Variants in CHST12 observed in about 807,000 individuals in gnomAD.
CHST12 encodes the protein carbohydrate (chondroitin 4) sulfotransferase 12.
In CHST12, 23 loss-of-function variants were observed where a neutral mutation model predicts 27.9. The ratio of observed to expected loss-of-function variants is 0.82; its 90% confidence interval spans 0.59 to 1.17. CHST12 has a LOEUF of 1.17. CHST12 is among the 50% of genes most tolerant of loss of function. The pLI, the probability that CHST12 is intolerant of heterozygous loss-of-function variation, is 0.00. For synonymous variants in CHST12, 322 were observed against 273.0 expected (o/e 1.18, Z -1.77); for missense variants, 682 against 603.0 (o/e 1.13, Z -1.37).
chr7:2,436,155 C>A lies in CHST12; in HGVS notation c.*2271C>A, dbSNP rs751758529. 1 of 152,212 alleles carries A rather than the reference C, an allele frequency of 6.6e-6. No individual in the cohort carries two copies. Among genetic ancestry groups the A allele is most frequent in the Non-Finnish European group, 1.5e-5 (1 of 68,054 alleles). 9.4% of individuals were successfully genotyped at this position (152,212 alleles called of 1,614,324 possible). A position where few individuals can be genotyped will look rare whatever the true frequency, so the allele number is the denominator to read the frequency against. ...TATGATAAAAATGTTTAATTTTAAA[C>A]GTACCATCTTAACCATTGTTAAGTG... On this transcript the variant is annotated 3_prime_UTR_variant, in exon 2 of 2. Coordinates refer to ENST00000618655, the MANE Select transcript of CHST12 (RefSeq NM_018641.5).
At chr7:2,414,966 C>T (rs780312964) in intron 1 of CHST12, among the ~76,000 whole-genome samples, 1 of 152,224 alleles carries the variant, frequency 6.6e-6, no homozygotes, top group Non-Finnish European at 1.5e-5. Context: ...TTTATCTCTA[C>T]AGGCATACTT....
rs1056956841 is a variant in CHST12, at chr7:2,444,013, G to T, written c.*10129G>T. 1 of 151,802 alleles carries T rather than the reference G, an allele frequency of 6.6e-6. No homozygotes were observed. The highest frequency in any genetic ancestry group is 1.5e-5 in the Non-Finnish European group (1 of 67,982). 9.4% of individuals were successfully genotyped at this position (151,802 alleles called of 1,614,324 possible). A position where few individuals can be genotyped will look rare whatever the true frequency, so the allele number is the denominator to read the frequency against. ...AAAATACAAAAATTAGGCCGGGCGC[G>T]GTGGCTCACGCCTGTAATCCCAGCA... is the stretch of plus-strand genomic sequence containing the variant. On this transcript the variant is annotated 3_prime_UTR_variant, in exon 2 of 2. Coordinates refer to ENST00000618655, the MANE Select transcript of CHST12 (RefSeq NM_018641.5).
Position 2,405,372 on chromosome 7 carries a change from A to T in CHST12, c.-78+1699A>T, listed in dbSNP as rs535109842. Reference sequence around the variant, plus strand: ...AGTCAAGAGAATAGCTTGAACCTGGAGGCGGAAGTTGCAGTGAGCCGACAC... The same window carrying T: ...AGTCAAGAGAATAGCTTGAACCTGGTGGCGGAAGTTGCAGTGAGCCGACAC... On this transcript the variant is annotated intron_variant, in intron 1 of 1. Transcript: ENST00000618655. Among the ~76,000 whole-genome samples, 7 of 152,152 alleles carry T rather than the reference A, an allele frequency of 4.6e-5. No individual in the cohort carries two copies. In the South Asian group the frequency reaches 1.5e-3, roughly 32 times the overall value.
rs1421576118 is a variant in CHST12 at position 2,438,398 on chromosome 7, TG to T, written c.*4516del. On this transcript the variant is annotated 3_prime_UTR_variant, in exon 2 of 2. Coordinates refer to ENST00000618655, the MANE Select transcript of CHST12 (RefSeq NM_018641.5). Reference sequence around the variant, plus strand: ...AGCCCAGGGGAGCGGCTGAGACTCTTGGCAGAGAGCTGGGGACGCTCTGTTC... The same window carrying T: ...AGCCCAGGGGAGCGGCTGAGACTCTTGCAGAGAGCTGGGGACGCTCTGTTC... The T allele has an allele frequency of 2.0e-5, 3 of 152,192 alleles. No individual in the cohort carries two copies. The highest frequency in any genetic ancestry group is 4.4e-5 in the Non-Finnish European group (3 of 68,084). The allele number at this position is 152,192 out of a possible 1,614,324, so 9.4% of individuals were successfully genotyped here.
chr7:2,407,560 G>A (rs920393778), intron 1 of CHST12, among the ~76,000 whole-genome samples: 1 of 152,136 alleles, frequency 6.6e-6, no homozygotes, highest in African/African-American at 2.4e-5. Flanking sequence ...GGTTAAAGAG[G>A]CTCACCCAGT....
intron 1 of CHST12, among the ~76,000 whole-genome samples, chr7:2,427,578 C>G (rs192582943): frequency 2.0e-5 from 3 of 151,874 alleles, no homozygotes; most frequent in South Asian, 2.1e-4. Flanking sequence ...ATCTGCCACC[C>G]CCCCCTACAG....
At chr7:2,425,594 G>T (rs1459263421) in intron 1 of CHST12, among the ~76,000 whole-genome samples, 1 of 152,176 alleles carries the variant, frequency 6.6e-6, no homozygotes, top group African/African-American at 2.4e-5. Context: ...GTGAGCACAG[G>T]TGGTGAGTCA....
intron 1 of CHST12, among the ~76,000 whole-genome samples, chr7:2,428,758 G>T (rs1782198687): frequency 6.6e-6 from 1 of 152,140 alleles, no homozygotes; most frequent in East Asian, 1.9e-4. Context: ...AGAAACACAG[G>T]CTTTCCATAA....
At position 2,438,287 on chromosome 7, in the gene CHST12, G is replaced by C. The variant is rs780308770; in HGVS notation, c.*4403G>C. On this transcript the variant is annotated 3_prime_UTR_variant, in exon 2 of 2. Coordinates refer to ENST00000618655, the MANE Select transcript of CHST12 (RefSeq NM_018641.5). Reference sequence around the variant, plus strand: ...TGTTGGGGCCACACCAACGTCCCCAGAGTCTTCTCCCTAGAGTCTCTGAAA... The same window carrying C: ...TGTTGGGGCCACACCAACGTCCCCACAGTCTTCTCCCTAGAGTCTCTGAAA... 2.0e-5 allele frequency: 3 copies of C among 152,248 alleles called. No homozygotes were observed. The highest frequency in any genetic ancestry group is 2.0e-4 in the Admixed American group (3 of 15,286). The allele number at this position is 152,248 out of a possible 1,614,324, so 9.4% of individuals were successfully genotyped here. A position where few individuals can be genotyped will look rare whatever the true frequency, so the allele number is the denominator to read the frequency against.
At chr7:2,432,399 C>A (rs899395391) in intron 1 of CHST12, among the ~76,000 whole-genome samples, 164 bp from the exon 2 acceptor site, 1 of 151,948 alleles carries the variant, frequency 6.6e-6, no homozygotes, top group Admixed American at 6.6e-5. Context: ...TGTGTAGACT[C>A]CCTGCACTGC....
chr7:2,409,287 C>T (rs1009415526), intron 1 of CHST12, among the ~76,000 whole-genome samples: 4 of 152,266 alleles, frequency 2.6e-5, no homozygotes, highest in East Asian at 3.9e-4. Flanking sequence ...AAGGTTCACT[C>T]TGAAGGCAGA....
intron 1 of CHST12, among the ~76,000 whole-genome samples, chr7:2,406,691 C>T (rs901830537): frequency 6.6e-5 from 10 of 152,084 alleles, no homozygotes; most frequent in Admixed American, 2.6e-4. Context: ...TTAATGACAT[C>T]AGGAGGTCCC....
chr7:2,418,733 G>A (rs935983905), intron 1 of CHST12, among the ~76,000 whole-genome samples: 2 of 152,174 alleles, frequency 1.3e-5, no homozygotes, highest in African/African-American at 2.4e-5. Context: ...GCTTCAGGCC[G>A]GAGCTGTGTC....
intron 1 of CHST12, among the ~76,000 whole-genome samples, chr7:2,414,980 A>G (rs1052810307): frequency 1.3e-5 from 2 of 152,178 alleles, no homozygotes; most frequent in Non-Finnish European, 2.9e-5. Context: ...CATACTTCAG[A>G]GATGTTGCAG....
At chr7:2,419,401 CAA>C (rs35870806) in intron 1 of CHST12, among the ~76,000 whole-genome samples, 5,728 of 112,858 alleles carry the variant, frequency 0.051, 316 homozygotes, top group African/African-American at 0.15. Context: ...ACCCTGTCTC[CAA>C]AAAAAAAAAA....
Position 2,433,558 on chromosome 7 carries a change from C to CT in CHST12, c.920dup (p.Leu308AlafsTer87). 1 of 1,613,478 alleles carries CT rather than the reference C, an allele frequency of 6.2e-7. No individual in the cohort carries two copies. Among genetic ancestry groups the CT allele is most frequent in the East Asian group, 2.2e-5 (1 of 44,882 alleles). ...GTCCTTCGCCAACTTCATCCAGTAC[C>CT]TGCTGGACCCGCACACGGAGAAGCT... On this transcript the variant is annotated frameshift_variant, in exon 2 of 2. Coordinates refer to ENST00000618655, the MANE Select transcript of CHST12 (RefSeq NM_018641.5). LOFTEE classifies it high-confidence loss of function. This position sits in a 1 kb window ranked among gnomAD's most constrained non-coding sequence, Gnocchi z 6.1.
intron 1 of CHST12, among the ~76,000 whole-genome samples, chr7:2,427,052 T>G: frequency 7.5e-6 from 1 of 132,786 alleles, no homozygotes; most frequent in East Asian, 2.2e-4. Context: ...TTTAAGAAAT[T>G]TGTAGCACTT....
chr7:2,433,561 C>G lies in CHST12; in HGVS notation c.922C>G (p.Leu308Val), dbSNP rs1191530897. The G allele has an allele frequency of 1.2e-6, 2 of 1,613,482 alleles. No individual in the cohort carries two copies. Among genetic ancestry groups the G allele is most frequent in the Non-Finnish European group, 1.7e-6 (2 of 1,179,982 alleles). Reference sequence around the variant, plus strand: ...CTTCGCCAACTTCATCCAGTACCTGCTGGACCCGCACACGGAGAAGCTGGC... The same window carrying G: ...CTTCGCCAACTTCATCCAGTACCTGGTGGACCCGCACACGGAGAAGCTGGC... ...VSFANFIQYLLDPHTEKLAPF... is the reference protein window; with the variant it reads ...VSFANFIQYLVDPHTEKLAPF... Residue 308 changes from leucine (L) to valine (V), a missense_variant, in exon 2 of 2, where the codon CTG becomes GTG. Physicochemically the swap from Leu to Val is conservative, Grantham distance 32. Transcript: ENST00000618655. This position sits in a 1 kb window ranked among gnomAD's most constrained non-coding sequence, Gnocchi z 6.1.
chr7:2,424,405 C>T (rs1782053067), intron 1 of CHST12, among the ~76,000 whole-genome samples: 2 of 150,490 alleles, frequency 1.3e-5, no homozygotes, highest in African/African-American at 4.9e-5. Flanking sequence ...AGTACAGCCA[C>T]ATTTCAGCCT....
Sources: allele counts gnomAD v4.1 joint callset (sites outside exome capture counted in the v4.1 genomes callset), GRCh38; gene constraint gnomAD v4.1.1; non-coding constraint Gnocchi (gnomAD v3.1); transcripts MANE v1.5; gene names NCBI Gene and HGNC (gene_info 2026-07-23, HGNC 2026-07-21).